TSC22D1: variants seen among roughly 807,000 people sequenced by gnomAD.
TSC22D1 encodes TSC22 domain family protein 1.
TSC22D1 carries 9 observed loss-of-function variants against 74.2 expected under a neutral mutation model. The observed-to-expected ratio is 0.12, with a 90% CI of 0.07 to 0.21. The LOEUF (loss-of-function observed/expected upper bound fraction) is 0.21, where lower values mean the gene tolerates loss of function less well. Among genes scored for constraint, TSC22D1 ranks in the 10% least tolerant of loss-of-function variants. TSC22D1 has a pLI of 1.00. For missense variants in TSC22D1, 1,427 were observed against 1,304.7 expected (o/e 1.09, Z -1.44); for synonymous variants, 586 against 492.5 (o/e 1.19, Z -2.51).
At chr13:44,529,634 G>A (rs1880725115) in intron 1 of TSC22D1, among the ~76,000 whole-genome samples, 1 of 152,040 alleles carries the variant, frequency 6.6e-6, no homozygotes, top group Admixed American at 6.6e-5. Flanking sequence ...GATTGAAAAG[G>A]AACAAATAAA....
chr13:44,455,152 T>C, intron 1 of TSC22D1, among the ~76,000 whole-genome samples: 1 of 152,110 alleles, frequency 6.6e-6, no homozygotes, highest in East Asian at 1.9e-4. Context: ...GAAGCAGGGA[T>C]ATGAAAGATC....
intron 1 of TSC22D1, among the ~76,000 whole-genome samples, chr13:44,465,289 T>G (rs532515559): frequency 6.6e-6 from 1 of 152,300 alleles, no homozygotes; most frequent in Non-Finnish European, 1.5e-5. Context: ...GCTTAAACTT[T>G]GTCTTTACCC....
At chr13:44,509,456 T>C (rs1385598106) in intron 1 of TSC22D1, among the ~76,000 whole-genome samples, 2 of 152,186 alleles carry the variant, frequency 1.3e-5, no homozygotes, top group Non-Finnish European at 2.9e-5. Flanking sequence ...CTGGTCAACA[T>C]GGTGAAACCC....
At chr13:44,450,863 G>GA (rs1876072172) in intron 1 of TSC22D1, among the ~76,000 whole-genome samples, 1 of 152,212 alleles carries the variant, frequency 6.6e-6, no homozygotes, top group African/African-American at 2.4e-5. Context: ...GATTACCTCA[G>GA]AAATCCATAT....
chr13:44,541,462 A>T (rs924537127), intron 1 of TSC22D1, among the ~76,000 whole-genome samples: 2 of 152,158 alleles, frequency 1.3e-5, no homozygotes, highest in Non-Finnish European at 2.9e-5. Context: ...AGAAAAAAGA[A>T]ACTGGAAAGA....
At chr13:44,436,714 C>T (rs996545706) in intron 1 of TSC22D1, 3 of 1,518,136 alleles carry the variant, frequency 2.0e-6, no homozygotes, top group Non-Finnish European at 1.8e-6. Context: ...TCTGGCTTTC[C>T]GCAGCCCAGG....
chr13:44,476,978 T>C (rs1429796518), intron 1 of TSC22D1, among the ~76,000 whole-genome samples: 2 of 151,904 alleles, frequency 1.3e-5, no homozygotes, highest in South Asian at 4.2e-4. Context: ...CTGTTTTTTG[T>C]TTGTTTGTTT....
chr13:44,553,504 G>T (rs1882424834), intron 1 of TSC22D1, among the ~76,000 whole-genome samples: 1 of 152,118 alleles, frequency 6.6e-6, no homozygotes, highest in Admixed American at 6.6e-5. Context: ...TCATTCTAAG[G>T]AGATAGTTTT....
Position 44,533,009 on chromosome 13 carries a change from G to A in TSC22D1, c.2912+40154C>T, listed in dbSNP as rs1595142144. Among the ~76,000 whole-genome samples, 5 of 152,252 alleles carry A rather than the reference G, an allele frequency of 3.3e-5. No individual in the cohort carries two copies. The South Asian group carries it at 1.0e-3, about 32-fold the overall frequency. On this transcript the variant is annotated intron_variant, in intron 1 of 2. Transcript: ENST00000458659. ...GTAGTGAAGAGACTTGAGTACTACA[G>A]ACAATTTGTTTAAAAGAGTGTGGTA...
intron 1 of TSC22D1, among the ~76,000 whole-genome samples, chr13:44,506,947 G>T (rs1482423040): frequency 6.6e-6 from 1 of 152,212 alleles, no homozygotes; most frequent in Admixed American, 6.5e-5. Context: ...TCAGGAACAA[G>T]CATGTCAGAG....
In TSC22D1 at chr13:44,434,601, G is replaced by A. The variant is rs771593499; in HGVS notation, c.*25C>T. 1 of 1,513,626 alleles carries A rather than the reference G, an allele frequency of 6.6e-7. No individual in the cohort carries two copies. Among genetic ancestry groups the A allele is most frequent in the Non-Finnish European group, 8.8e-7 (1 of 1,133,806 alleles). 93.8% of individuals were successfully genotyped at this position (1,513,626 alleles called of 1,614,324 possible). A position where few individuals can be genotyped will look rare whatever the true frequency, so the allele number is the denominator to read the frequency against. ...CCGTCTGTTCAGTTCACACGCAGCA[G>A]CCAGTTCTGCGGGGGCATAGGCAGC... On this transcript the variant is annotated 3_prime_UTR_variant, in exon 3 of 3. Coordinates refer to ENST00000458659, the MANE Select transcript of TSC22D1 (RefSeq NM_183422.4).
chr13:44,536,229 T>A (rs1387728362), intron 1 of TSC22D1, among the ~76,000 whole-genome samples: 3 of 151,904 alleles, frequency 2.0e-5, no homozygotes, highest in Non-Finnish European at 4.4e-5. Flanking sequence ...TACATTTTAA[T>A]CCACCAATTG....
chr13:44,542,632 AAC>A (rs1280507418), intron 1 of TSC22D1, among the ~76,000 whole-genome samples: 3 of 152,148 alleles, frequency 2.0e-5, no homozygotes, highest in African/African-American at 7.2e-5. Context: ...ATAATAATTC[AAC>A]ACTCATACTC....
intron 1 of TSC22D1, among the ~76,000 whole-genome samples, chr13:44,555,748 C>T (rs1420864174): frequency 1.3e-5 from 2 of 149,396 alleles, no homozygotes; most frequent in Admixed American, 1.3e-4. Flanking sequence ...CATTAAAATA[C>T]CAAAAAAAAA....
intron 1 of TSC22D1, among the ~76,000 whole-genome samples, chr13:44,441,243 A>T (rs1381422493): frequency 6.6e-6 from 1 of 152,210 alleles, no homozygotes; most frequent in Admixed American, 6.5e-5. Flanking sequence ...GGAGAACTCC[A>T]GGAGGGAGAG....
intron 1 of TSC22D1, among the ~76,000 whole-genome samples, chr13:44,507,458 A>G (rs1171936624): frequency 6.6e-6 from 1 of 151,994 alleles, no homozygotes; most frequent in Non-Finnish European, 1.5e-5. Context: ...CAAAGCAAAT[A>G]TCTTACTTTA....
At chr13:44,435,846 C>G (rs902826853) in intron 2 of TSC22D1, 198 bp downstream of exon 2, 7 of 619,224 alleles carry the variant, frequency 1.1e-5, no homozygotes, top group East Asian at 5.7e-5. Context: ...CCATTTAATA[C>G]CCGCAGGGCC....
At chr13:44,570,054 A>C (rs190396010) in intron 1 of TSC22D1, among the ~76,000 whole-genome samples, 1 of 152,342 alleles carries the variant, frequency 6.6e-6, no homozygotes, top group Admixed American at 6.5e-5. Context: ...TGAAGGATGA[A>C]TAGAAGTTTG....
intron 1 of TSC22D1, among the ~76,000 whole-genome samples, chr13:44,517,940 C>T (rs540940321): frequency 1.4e-5 from 2 of 139,658 alleles, no homozygotes; most frequent in East Asian, 2.1e-4. Flanking sequence ...ACTGCAGACA[C>T]GGACCTCCCA....
Sources: gnomAD v4.1 joint callset for allele counts (sites outside exome capture counted in the v4.1 genomes callset) on GRCh38, gnomAD v4.1.1 for gene constraint, MANE v1.5 for transcripts, NCBI Gene and HGNC (gene_info 2026-07-23, HGNC 2026-07-21) for gene names.